Variants in RAPGEF4 observed in about 807,000 individuals in gnomAD.
RAPGEF4 encodes the protein RAP guanine-nucleotide-exchange factor (GEF) 4.
In RAPGEF4, 66 loss-of-function variants were observed where a neutral mutation model predicts 147.9. The ratio of observed to expected loss-of-function variants is 0.45; its 90% CI spans 0.37 to 0.55. RAPGEF4 has a LOEUF of 0.55. Among genes scored for constraint, RAPGEF4 ranks in the 20% least tolerant of loss-of-function variants. The pLI is 0.00. For missense variants in RAPGEF4, 1,071 were observed against 1,257.3 expected (o/e 0.85, Z 2.24); for synonymous variants, 419 against 442.7 (o/e 0.95, Z 0.67).
chr2:172,863,385 A>G (rs1472851763), intron 4 of RAPGEF4, among the ~76,000 whole-genome samples: 1 of 152,232 alleles, frequency 6.6e-6, no homozygotes, highest in East Asian at 1.9e-4. Flanking sequence ...TAAAATGGCA[A>G]ATCTATGTTT....
intron 4 of RAPGEF4, chr2:172,822,043 T>C (rs1689126574): frequency 3.2e-6 from 5 of 1,575,738 alleles, no homozygotes; most frequent in Non-Finnish European, 3.5e-6. Flanking sequence ...ATGTTACTGT[T>C]TGCATTTTGG....
chr2:172,938,242 C>CAG (rs1553535285), intron 6 of RAPGEF4, among the ~76,000 whole-genome samples: 12 of 151,830 alleles, frequency 7.9e-5, no homozygotes, highest in African/African-American at 2.7e-4. Flanking sequence ...CACACACACA[C>CAG]ACAGACAACC....
intron 4 of RAPGEF4, among the ~76,000 whole-genome samples, chr2:172,859,680 G>A (rs1028681951): frequency 5.3e-5 from 8 of 152,198 alleles, no homozygotes; most frequent in Non-Finnish European, 1.0e-4. Context: ...CAGAAAGAGT[G>A]CCCTGAAGGT....
At chr2:172,838,369 G>A (rs1316311805) in intron 4 of RAPGEF4, among the ~76,000 whole-genome samples, 1 of 151,962 alleles carries the variant, frequency 6.6e-6, no homozygotes, top group African/African-American at 2.4e-5. Flanking sequence ...AGAACACACT[G>A]GGAAATCCGC....
intron 4 of RAPGEF4, among the ~76,000 whole-genome samples, chr2:172,863,544 G>A (rs963408481): frequency 1.3e-5 from 2 of 152,254 alleles, no homozygotes; most frequent in East Asian, 3.9e-4. Context: ...CACGAGGAAT[G>A]GAAATTCTCA....
chr2:173,051,618 C>T (rs1181967802), intron 30 of RAPGEF4, 22 bp from the exon 31 acceptor site: 1 of 1,610,068 alleles, frequency 6.2e-7, no homozygotes, highest in African/African-American at 1.3e-5. Flanking sequence ...AATGCCAATT[C>T]TGCCCTTTCC....
intron 4 of RAPGEF4, among the ~76,000 whole-genome samples, chr2:172,848,628 TG>T (rs893704222): frequency 6.6e-6 from 1 of 152,186 alleles, no homozygotes; most frequent in Non-Finnish European, 1.5e-5. Context: ...TTTGTTCAGC[TG>T]GAAGATTTTT....
intron 1 of RAPGEF4, among the ~76,000 whole-genome samples, chr2:172,785,198 C>T (rs983357458): frequency 1.3e-5 from 2 of 151,990 alleles, no homozygotes; most frequent in Admixed American, 1.3e-4. Flanking sequence ...TGTCAAGGCC[C>T]TTTGAAAAGC....
intron 5 of RAPGEF4, among the ~76,000 whole-genome samples, chr2:172,919,376 A>G (rs1022715104): frequency 6.6e-6 from 1 of 152,070 alleles, no homozygotes; most frequent in Non-Finnish European, 1.5e-5. Flanking sequence ...AAACCACTCT[A>G]AAGTTACCAG....
chr2:172,957,735 A>T (rs139214003), intron 6 of RAPGEF4, among the ~76,000 whole-genome samples: 1,688 of 152,312 alleles, frequency 0.011, 30 homozygotes, highest in African/African-American at 0.037. Flanking sequence ...CCGGAGAAGG[A>T]TCTGAGGATT....
At chr2:172,837,145 A>C (rs947272030) in intron 4 of RAPGEF4, among the ~76,000 whole-genome samples, 2 of 152,140 alleles carry the variant, frequency 1.3e-5, no homozygotes, top group African/African-American at 4.8e-5. Context: ...GTGTGTATAC[A>C]TTTTGCTGAA....
chr2:172,868,020 G>A (rs568789894), intron 4 of RAPGEF4, among the ~76,000 whole-genome samples: 12 of 152,236 alleles, frequency 7.9e-5, no homozygotes, highest in African/African-American at 1.4e-4. Context: ...AAATCATGTC[G>A]TAGTTAAATT....
At chr2:172,854,351 T>C (rs1241292293) in intron 4 of RAPGEF4, among the ~76,000 whole-genome samples, 1 of 152,180 alleles carries the variant, frequency 6.6e-6, no homozygotes, top group African/African-American at 2.4e-5. Context: ...CTGGTGATAC[T>C]CTATTGCCTT....
chr2:172,956,348 A>G, intron 6 of RAPGEF4, among the ~76,000 whole-genome samples: 1 of 152,094 alleles, frequency 6.6e-6, no homozygotes, highest in East Asian at 1.9e-4. Flanking sequence ...GGTAAATACA[A>G]TGAATGGTTT....
intron 4 of RAPGEF4, among the ~76,000 whole-genome samples, chr2:172,850,974 C>T (rs1053183645): frequency 6.6e-6 from 1 of 152,030 alleles, no homozygotes; most frequent in Non-Finnish European, 1.5e-5. Context: ...TATTTCTTGT[C>T]TTATGCTAGC....
At chr2:172,964,596 G>T (rs367620198) in intron 8 of RAPGEF4, among the ~76,000 whole-genome samples, 2 of 151,968 alleles carry the variant, frequency 1.3e-5, no homozygotes, top group Non-Finnish European at 2.9e-5. Context: ...TCCTTAGCCC[G>T]TGCCCCAGAG....
At chr2:172,806,015 CTGTGTG>C (rs36226317) in intron 3 of RAPGEF4, among the ~76,000 whole-genome samples, 39,437 of 145,084 alleles carry the variant, frequency 0.27, 5,316 homozygotes, top group Non-Finnish European at 0.28. Flanking sequence ...TATTATCCGG[CTGTGTG>C]TGTGTGTGTG....
At chr2:172,859,980 T>G (rs1254126751) in intron 4 of RAPGEF4, 1 of 967,122 alleles carries the variant, frequency 1.0e-6, no homozygotes, top group Non-Finnish European at 1.2e-6. Flanking sequence ...TGGCAATTGT[T>G]TCATGGAAAA....
At chr2:172,774,716 C>T (rs1683986241) in intron 1 of RAPGEF4, among the ~76,000 whole-genome samples, 1 of 152,136 alleles carries the variant, frequency 6.6e-6, no homozygotes, top group Non-Finnish European at 1.5e-5. Flanking sequence ...CATATGACTG[C>T]TTTTATCCTT....
Sources: gnomAD v4.1 joint callset for allele counts (sites outside exome capture counted in the v4.1 genomes callset) on GRCh38, gnomAD v4.1.1 for gene constraint, MANE v1.5 for transcripts, NCBI Gene and HGNC (gene_info 2026-07-23, HGNC 2026-07-21) for gene names.